The following ZNF592 variants were observed in gnomAD, a reference collection of about 807,000 sequenced individuals.
The protein encoded by ZNF592 is spinocerebellar ataxia, autosomal recessive 5.
ZNF592 carries 11 observed loss-of-function variants against 80.3 expected under a neutral mutation model. The ratio of observed to expected loss-of-function variants is 0.14; its 90% CI spans 0.09 to 0.23. The LOEUF is 0.23. Among genes scored for constraint, ZNF592 ranks in the 10% least tolerant of loss-of-function variants. The probability of loss-of-function intolerance (pLI) is 1.00; values close to 1 mark genes in which losing one functional copy is unlikely to be tolerated. For synonymous variants in ZNF592, 646 were observed against 640.3 expected (o/e 1.01, Z -0.13); for missense variants, 1,420 against 1,633.9 (o/e 0.87, Z 2.26).
chr15:84,780,382 C>T (rs1054862973), intron 3 of ZNF592, among the ~76,000 whole-genome samples: 2 of 152,186 alleles, frequency 1.3e-5, no homozygotes, highest in Non-Finnish European at 2.9e-5. Context: ...TAGTTATGAT[C>T]ACCCTGCCTA....
At position 84,783,231 on chromosome 15, in the gene ZNF592, C is replaced by T. The variant is rs758039102; in HGVS notation, c.556C>T (p.Leu186=). ...GAVGGPVLEA[L]AKFPVPELHM... is the part of the protein sequence containing the mutation. ...TGTGGGAGGCCCAGTCCTGGAGGCT[C>T]TGGCTAAGTTTCCGGTTCCAGAGCT... The change falls in exon 4 of 11, where the codon CTG becomes TTG. Residue 186 remains leucine, a synonymous_variant. Transcript: ENST00000560079. This position sits in a 1 kb window ranked among gnomAD's most constrained non-coding sequence, Gnocchi z 5.0. 2 of 1,614,112 alleles carry T rather than the reference C, an allele frequency of 1.2e-6. No individual in the cohort carries two copies. The highest frequency in any genetic ancestry group is 1.3e-5 in the African/African-American group (1 of 74,930).
At chr15:84,800,671 G>A (rs536799233) in intron 10 of ZNF592, among the ~76,000 whole-genome samples, 1 of 152,186 alleles carries the variant, frequency 6.6e-6, no homozygotes, top group African/African-American at 2.4e-5. Flanking sequence ...GTAGCTGGGG[G>A]TATCGATTGA....
In ZNF592 at chr15:84,784,368, G is replaced by C; in HGVS notation, c.1693G>C (p.Val565Leu). 1.2e-6 allele frequency: 2 copies of C among 1,614,138 alleles called. No homozygotes were observed. Among genetic ancestry groups the C allele is most frequent in the Non-Finnish European group, 1.7e-6 (2 of 1,180,036 alleles). ...FNKVLHSSNP[V>L]PLYAPNLSPP... ...CAAGGTCCTTCACAGCTCCAACCCC[G>C]TGCCCCTCTATGCGCCAAATCTCAG... The change falls in exon 4 of 11, where the codon GTG becomes CTG. Residue 565 changes from valine to leucine, a missense_variant. Val to Leu is a conservative substitution (Grantham distance 32). Transcript: ENST00000560079. This position sits in a 1 kb window ranked among gnomAD's most constrained non-coding sequence, Gnocchi z 5.8.
At position 84,784,395 on chromosome 15, in the gene ZNF592, C is replaced by G; in HGVS notation, c.1720C>G (p.Pro574Ala). Reference sequence around the variant, plus strand: ...GCCCCTCTATGCGCCAAATCTCAGCCCGCCTGCGGACAGCAGGATCCACGT... The same window carrying G: ...GCCCCTCTATGCGCCAAATCTCAGCGCGCCTGCGGACAGCAGGATCCACGT... Reference protein sequence around the residue: ...PVPLYAPNLSPPADSRIHVPA... With the variant: ...PVPLYAPNLSAPADSRIHVPA... The change falls in exon 4 of 11, where the codon CCG (proline) becomes GCG (alanine). Residue 574 changes from proline (P) to alanine (A), a missense_variant. Around this residue, in one of 7 missense-constraint regions of ZNF592, gnomAD observed 524 missense variants for 628.3 expected, o/e 0.83. Coordinates refer to ENST00000560079, the MANE Select transcript of ZNF592 (RefSeq NM_014630.3). The surrounding 1 kb of genome is among the most constrained non-coding windows in gnomAD (Gnocchi z 5.8). The G allele has an allele frequency of 6.2e-7, 1 of 1,614,220 alleles. No individual in the cohort carries two copies.
intron 4 of ZNF592, among the ~76,000 whole-genome samples, chr15:84,789,050 A>T (rs1175418777): frequency 4.3e-5 from 6 of 139,954 alleles, no homozygotes; most frequent in Non-Finnish European, 7.6e-5. Flanking sequence ...GTCTCTATTT[A>T]AAAAAAAAAA....
chr15:84,779,120 C>T (rs12908549), intron 3 of ZNF592, among the ~76,000 whole-genome samples: 1 of 152,040 alleles, frequency 6.6e-6, no homozygotes, highest in Non-Finnish European at 1.5e-5. Flanking sequence ...GGAGGTCCCT[C>T]TATAAGGGCT....
intron 10 of ZNF592, 83 bp downstream of exon 10, chr15:84,800,060 G>A: frequency 3.8e-6 from 6 of 1,599,276 alleles, no homozygotes; most frequent in Non-Finnish European, 5.1e-6. Context: ...CTACTGTTGT[G>A]GCCATGGAAC....
Position 84,797,925 on chromosome 15 carries a change from A to G in ZNF592, c.2456A>G (p.Gln819Arg). The G allele has an allele frequency of 6.2e-7, 1 of 1,614,222 alleles. No homozygotes were observed. Among genetic ancestry groups the G allele is most frequent in the Non-Finnish European group, 8.5e-7 (1 of 1,180,038 alleles). ...TTGGCCTTGCTGAAAAGCCACATCC[A>G]GGAGCGACACTGCCAGGTTTTCCAC... ...LTLALLKSHI[Q>R]ERHCQVFHKC... is the part of the protein sequence containing the mutation. Residue 819 changes from glutamine (Q) to arginine (R), a missense_variant, in exon 6 of 11, where the codon CAG becomes CGG. By Grantham distance (43) the Gln-to-Arg change is conservative. Coordinates refer to ENST00000560079, the MANE Select transcript of ZNF592 (RefSeq NM_014630.3).
At chr15:84,773,214 G>GTTTTTTTTTTTTTTTTTT in intron 2 of ZNF592, among the ~76,000 whole-genome samples, 1 of 139,082 alleles carries the variant, frequency 7.2e-6, no homozygotes, top group Middle Eastern at 3.8e-3. Flanking sequence ...ACCCACCAGG[G>GTTTTTTTTTTTTTTTTTT]TTTTTTTTTT....
chr15:84,791,460 G>A (rs1484177656), intron 5 of ZNF592, among the ~76,000 whole-genome samples: 2 of 152,120 alleles, frequency 1.3e-5, no homozygotes, highest in African/African-American at 2.4e-5. Flanking sequence ...TAAGCAAGAA[G>A]TCATTTTCAG....
intron 2 of ZNF592, among the ~76,000 whole-genome samples, chr15:84,777,041 G>GA (rs531283225): frequency 6.7e-6 from 1 of 149,906 alleles, no homozygotes; most frequent in African/African-American, 2.4e-5. Context: ...GACAGTGCGA[G>GA]AAAAAAAAAG....
At chr15:84,782,577 A>G (rs2141984662) in intron 3 of ZNF592, 80 bp from the exon 4 acceptor site, 5 of 1,309,814 alleles carry the variant, frequency 3.8e-6, no homozygotes, top group Non-Finnish European at 4.4e-6. Flanking sequence ...CTGTGTGTGC[A>G]TTAGTTTGAT....
intron 4 of ZNF592, among the ~76,000 whole-genome samples, chr15:84,788,079 G>C (rs1421135979): frequency 1.3e-5 from 2 of 151,894 alleles, no homozygotes; most frequent in Admixed American, 1.3e-4. Flanking sequence ...TTTTCCTGTA[G>C]ACTGGAAGTA....
In ZNF592 at chr15:84,803,968, T is replaced by C. The variant is rs923117144; in HGVS notation, c.*1575T>C. ...TCATCTTTCAAGGAGGCATTAAATA[T>C]CAATTATAAATTATTAAGTCAGATA... On this transcript the variant is annotated 3_prime_UTR_variant, in exon 11 of 11. Coordinates refer to ENST00000560079, the MANE Select transcript of ZNF592 (RefSeq NM_014630.3). The C allele has an allele frequency of 1.3e-5, 2 of 152,238 alleles. No individual in the cohort carries two copies. The highest frequency in any genetic ancestry group is 2.4e-5 in the African/African-American group (1 of 41,456). The allele number at this position is 152,238 out of a possible 1,614,324, so 9.4% of individuals were successfully genotyped here.
At chr15:84,749,792 C>T (rs978828519) in intron 1 of ZNF592, among the ~76,000 whole-genome samples, 1 of 152,208 alleles carries the variant, frequency 6.6e-6, no homozygotes, top group Non-Finnish European at 1.5e-5. Context: ...TCCTCAACCT[C>T]ACTGTTACGT....
intron 1 of ZNF592, among the ~76,000 whole-genome samples, chr15:84,755,707 G>A (rs1458971671): frequency 6.6e-6 from 1 of 152,074 alleles, no homozygotes; most frequent in Admixed American, 6.6e-5. Context: ...CCTATAAGCC[G>A]AATTTCATTT....
At chr15:84,785,639 G>A (rs1280080840) in intron 4 of ZNF592, among the ~76,000 whole-genome samples, 6 of 152,182 alleles carry the variant, frequency 3.9e-5, no homozygotes, top group African/African-American at 7.2e-5. Context: ...ATAAGTTGTT[G>A]TTCTGCCCTG....
At chr15:84,751,958 C>T (rs1020711522) in intron 1 of ZNF592, among the ~76,000 whole-genome samples, 22 of 152,162 alleles carry the variant, frequency 1.4e-4, no homozygotes, top group Non-Finnish European at 2.4e-4. Flanking sequence ...GACAGTGTCT[C>T]ACTATGCTGC....
intron 2 of ZNF592, among the ~76,000 whole-genome samples, chr15:84,777,883 G>A (rs1017879495): frequency 1.3e-5 from 2 of 151,824 alleles, no homozygotes; most frequent in Non-Finnish European, 2.9e-5. Flanking sequence ...TGTATTTTTA[G>A]TAGAGACGGG....
Sources: allele counts gnomAD v4.1 joint callset (sites outside exome capture counted in the v4.1 genomes callset), GRCh38; gene constraint gnomAD v4.1.1; regional missense constraint gnomAD v4.1.1; non-coding constraint Gnocchi (gnomAD v3.1); transcripts MANE v1.5; gene names NCBI Gene and HGNC (gene_info 2026-07-23, HGNC 2026-07-21).